Variants in PLS3 observed in about 807,000 individuals in gnomAD.
PLS3 encodes the protein plastin-3.
In PLS3, 11 loss-of-function variants were observed where a neutral mutation model predicts 46.5. The observed-to-expected ratio is 0.24, with a 90% CI of 0.15 to 0.39. The LOEUF (loss-of-function observed/expected upper bound fraction) is 0.39. Among genes scored for constraint, PLS3 ranks in the 10% least tolerant of loss-of-function variants. PLS3 has a pLI of 1.00. For missense variants in PLS3, 308 were observed against 461.8 expected, an observed-to-expected ratio of 0.67 and a Z score of 3.05; for synonymous variants, 167 against 162.2, an observed-to-expected ratio of 1.03 and a Z score of -0.22.
At chrX:115,590,046 G>A (rs2074334435) in intron 1 of PLS3, among the ~76,000 whole-genome samples, 1 of 111,316 alleles carries the variant, frequency 9.0e-6, no homozygotes, top group Non-Finnish European at 1.9e-5. Flanking sequence ...GGTAGAGACG[G>A]GGTTTCACCA....
intron 2 of PLS3, chrX:115,611,030 C>T: frequency 9.1e-6 from 4 of 437,254 alleles, no homozygotes; most frequent in Non-Finnish European, 1.2e-5. Flanking sequence ...CATGAATCAA[C>T]ATGTGCTTAG....
At chrX:115,648,246 C>T (rs781954654) in intron 15 of PLS3, among the ~76,000 whole-genome samples, 63 of 111,561 alleles carry the variant, frequency 5.6e-4, no homozygotes, top group African/African-American at 1.9e-3. Flanking sequence ...CTACTAGGTG[C>T]TTAGTCGGTT....
At chrX:115,572,539 G>T (rs2074222612) in intron 1 of PLS3, among the ~76,000 whole-genome samples, 1 of 110,896 alleles carries the variant, frequency 9.0e-6, no homozygotes, top group Admixed American at 9.7e-5. Context: ...TTTTAAACGT[G>T]CCCAAAGTTC....
intron 1 of PLS3, among the ~76,000 whole-genome samples, chrX:115,584,058 T>C (rs995291137): frequency 2.7e-5 from 3 of 111,976 alleles, no homozygotes; most frequent in Non-Finnish European, 3.8e-5. Flanking sequence ...CCACCATGTG[T>C]TTGGCCAGAT....
chrX:115,633,328 G>A (rs1366973505), intron 5 of PLS3, among the ~76,000 whole-genome samples: 6 of 109,709 alleles, frequency 5.5e-5, no homozygotes, highest in African/African-American at 2.0e-4. Flanking sequence ...GTGCCACCAC[G>A]CTGTGCTAAT....
intron 1 of PLS3, among the ~76,000 whole-genome samples, chrX:115,571,276 G>A (rs1173737166): frequency 3.6e-5 from 4 of 111,830 alleles, no homozygotes; most frequent in African/African-American, 1.3e-4. Flanking sequence ...CCAACACTTT[G>A]GGAGGCCAAG....
intron 9 of PLS3, among the ~76,000 whole-genome samples, chrX:115,641,142 C>T (rs2074890668): frequency 1.8e-5 from 2 of 109,665 alleles, no homozygotes; most frequent in Admixed American, 2.0e-4. Context: ...ATGCATGCTA[C>T]TAATTAACAA....
At chrX:115,631,317 C>T (rs1219679332) in intron 5 of PLS3, among the ~76,000 whole-genome samples, 2 of 109,175 alleles carry the variant, frequency 1.8e-5, no homozygotes, top group African/African-American at 3.3e-5. Flanking sequence ...GTGATCTGCC[C>T]GCCTCGGCCT....
In PLS3 at chrX:115,625,776, A is replaced by G. The variant is rs12393002; in HGVS notation, c.237+3367A>G. On this transcript the variant is annotated intron_variant, in intron 3 of 15. Transcript: ENST00000355899. ...TTCTGAAATCTTTCTTTCTTAAGTC[A>G]TATGCCTCTGGATTGTTTTGGTTTG... Among the ~76,000 whole-genome samples the G allele has an allele frequency of 4.1e-3, 458 of 111,714 alleles. 2 individuals are homozygous for G. The highest frequency in any genetic ancestry group is 0.014 in the African/African-American group (435 of 30,826).
intron 3 of PLS3, among the ~76,000 whole-genome samples, chrX:115,625,612 T>C (rs1459959069): frequency 9.2e-6 from 1 of 109,081 alleles, no homozygotes; most frequent in Non-Finnish European, 1.9e-5. Context: ...AAAAAAGAAG[T>C]TATGTTTTTC....
chrX:115,640,114 T>C (rs1556640800), intron 8 of PLS3: 1 of 1,126,208 alleles, frequency 8.9e-7, no homozygotes, highest in Non-Finnish European at 1.2e-6. Flanking sequence ...GTCAAGCTTA[T>C]TGACTTCAGT....
chrX:115,607,069 A>G (rs1346812102), intron 1 of PLS3, among the ~76,000 whole-genome samples: 10 of 110,495 alleles, frequency 9.1e-5, no homozygotes, highest in African/African-American at 3.3e-4. Flanking sequence ...CCAGGGCAAA[A>G]TGGTGAAACC....
chrX:115,625,676 A>G (rs1436946370), intron 3 of PLS3, among the ~76,000 whole-genome samples: 2 of 111,252 alleles, frequency 1.8e-5, no homozygotes, highest in East Asian at 2.8e-4. Flanking sequence ...GAAAAATTCA[A>G]TCCTGCCTCT....
At chrX:115,648,144 C>T in intron 15 of PLS3, 127 bp downstream of exon 15, 2 of 479,759 alleles carry the variant, frequency 4.2e-6, no homozygotes, top group Non-Finnish European at 7.1e-6. Context: ...GCCTCAGATT[C>T]CTCATCAATA....
chrX:115,640,558 C>T (rs1221095857), intron 9 of PLS3, 55 bp downstream of exon 9: 1 of 617,358 alleles, frequency 1.6e-6, no homozygotes, highest in African/African-American at 2.2e-5. Flanking sequence ...TTGTCAATTT[C>T]TTATAAGTAC....
At chrX:115,604,004 A>T (rs116591528) in intron 1 of PLS3, among the ~76,000 whole-genome samples, 4,170 of 111,863 alleles carry the variant, frequency 0.037, 184 homozygotes, top group African/African-American at 0.13. Context: ...TTGAAAAGTG[A>T]TCCTAAAATA....
At chrX:115,647,205 A>AG (rs1284380411) in intron 13 of PLS3, among the ~76,000 whole-genome samples, 1 of 111,301 alleles carries the variant, frequency 9.0e-6, no homozygotes, top group Admixed American at 9.7e-5. Context: ...GAGGCCAAGG[A>AG]GGGTGGATCA....
intron 1 of PLS3, among the ~76,000 whole-genome samples, chrX:115,583,869 T>G (rs1359423729): frequency 9.0e-6 from 1 of 111,652 alleles, no homozygotes; most frequent in Admixed American, 9.6e-5. Flanking sequence ...TTTTTCTTTT[T>G]TTTTGGGGGA....
chrX:115,649,601 A>G lies in PLS3; in HGVS notation c.*40A>G, dbSNP rs373177061. ...ATAAAACAGCCATGCTCCCAGGTGCATGATTCGCAGGTCAGCTATTTCCAG... is the reference window on the plus strand; with the variant it reads ...ATAAAACAGCCATGCTCCCAGGTGCGTGATTCGCAGGTCAGCTATTTCCAG... On this transcript the variant is annotated 3_prime_UTR_variant, in exon 16 of 16. Coordinates refer to ENST00000355899, the MANE Select transcript of PLS3 (RefSeq NM_005032.7). 1.4e-5 allele frequency: 16 copies of G among 1,156,161 alleles called. No individual in the cohort carries two copies. The highest frequency in any genetic ancestry group is 2.4e-4 in the Middle Eastern group (1 of 4,133).
Sources: allele counts gnomAD v4.1 joint callset (sites outside exome capture counted in the v4.1 genomes callset), GRCh38; gene constraint gnomAD v4.1.1; transcripts MANE v1.5; gene names NCBI Gene and HGNC (gene_info 2026-07-23, HGNC 2026-07-21).